Variants in ADCY3 observed in about 807,000 individuals in gnomAD.
ADCY3 encodes the protein adenylate cyclase 3.
In ADCY3, 70 loss-of-function variants were observed where a neutral mutation model predicts 119.4. The observed-to-expected ratio is 0.59, with a 90% confidence interval of 0.48 to 0.72. The LOEUF (loss-of-function observed/expected upper bound fraction) is 0.72. Among genes scored for constraint, ADCY3 ranks in the 30% least tolerant of loss-of-function variants. The pLI is 0.00. For missense variants in ADCY3, 1,238 were observed against 1,541.6 expected (o/e 0.80, Z 3.30); for synonymous variants, 672 against 621.4 (o/e 1.08, Z -1.21).
intron 3 of ADCY3, among the ~76,000 whole-genome samples, chr2:24,848,008 T>C (rs1487806812): frequency 6.6e-6 from 1 of 152,178 alleles, no homozygotes; most frequent in African/African-American, 2.4e-5. Flanking sequence ...GGATCATGAG[T>C]GCTGGCCTGG....
intron 3 of ADCY3, among the ~76,000 whole-genome samples, chr2:24,853,031 T>G (rs909894086): frequency 2.5e-4 from 28 of 113,918 alleles, no homozygotes; most frequent in Admixed American, 8.8e-4. Flanking sequence ...TGTGTGTGTG[T>G]GTGTGTGTGT....
At chr2:24,893,675 C>A (rs1188524582) in intron 2 of ADCY3, among the ~76,000 whole-genome samples, 2 of 151,870 alleles carry the variant, frequency 1.3e-5, no homozygotes, top group African/African-American at 4.8e-5. Context: ...ACCATCACAG[C>A]TCACTGCAGC....
intron 2 of ADCY3, among the ~76,000 whole-genome samples, chr2:24,877,528 A>G (rs1464948177): frequency 1.3e-5 from 2 of 152,182 alleles, no homozygotes; most frequent in East Asian, 3.9e-4. Flanking sequence ...CATCAGACAG[A>G]GCAGACCAAC....
At position 24,878,397 on chromosome 2, in the gene ADCY3, G is replaced by A. The variant is rs779826177; in HGVS notation, c.676-5678C>T. ...GAGTGGAAGTCACCCCACTGGAGGC[G>A]GTTTGGTGGCTCTCTTGCCCAAACC... is the stretch of plus-strand genomic sequence containing the variant. On this transcript the variant is annotated intron_variant, in intron 2 of 21. Coordinates refer to ENST00000679454, the MANE Select transcript of ADCY3 (RefSeq NM_004036.5). This position sits in a 1 kb window ranked among gnomAD's most constrained non-coding sequence, Gnocchi z 4.0. Among the ~76,000 whole-genome samples the A allele has an allele frequency of 2.6e-5, 4 of 152,100 alleles. No individual in the cohort carries two copies. Among genetic ancestry groups the A allele is most frequent in the South Asian group, 2.1e-4 (1 of 4,820 alleles).
intron 3 of ADCY3, among the ~76,000 whole-genome samples, chr2:24,855,852 G>A (rs530491920): frequency 2.8e-4 from 42 of 152,250 alleles, no homozygotes; most frequent in African/African-American, 3.1e-4. Flanking sequence ...GCAATCTGTC[G>A]GCATGGCCTC....
At chr2:24,873,832 G>A (rs971382594) in intron 2 of ADCY3, among the ~76,000 whole-genome samples, 6 of 152,212 alleles carry the variant, frequency 3.9e-5, no homozygotes, top group Admixed American at 2.6e-4. Flanking sequence ...GATCCCCGAC[G>A]CCTCGCCTGC....
intron 2 of ADCY3, among the ~76,000 whole-genome samples, chr2:24,891,739 T>C (rs1346896536): frequency 6.6e-6 from 1 of 152,188 alleles, no homozygotes; most frequent in African/African-American, 2.4e-5. Flanking sequence ...CTACAGTGCA[T>C]AGTAAAGGGC....
Position 24,841,790 on chromosome 2 carries a change from C to A in ADCY3, c.957-123G>T, listed in dbSNP as rs949149087. 2 of 709,560 alleles carry A rather than the reference C, an allele frequency of 2.8e-6. No individual in the cohort carries two copies. Among genetic ancestry groups the A allele is most frequent in the East Asian group, 2.7e-5 (1 of 37,060 alleles). 44.0% of individuals were successfully genotyped at this position (709,560 alleles called of 1,614,324 possible). A position where few individuals can be genotyped will look rare whatever the true frequency, so the allele number is the denominator to read the frequency against. On this transcript the variant is annotated intron_variant, in intron 4 of 21. Transcript: ENST00000679454. This position sits in a 1 kb window ranked among gnomAD's most constrained non-coding sequence, Gnocchi z 5.8. ...CAGGGCAGGAGAAGGTCCTCCCTCA[C>A]GACCCCCAGACAGTGAGACCCTGAC...
chr2:24,903,850 G>C (rs985635708), intron 2 of ADCY3, among the ~76,000 whole-genome samples: 1 of 152,176 alleles, frequency 6.6e-6, no homozygotes, highest in Non-Finnish European at 1.5e-5. Flanking sequence ...CGAGGACGAA[G>C]ATTCTAAAGC....
chr2:24,912,568 CATGTGTGTGTGT>C (rs1663874091), intron 2 of ADCY3, among the ~76,000 whole-genome samples: 2 of 105,860 alleles, frequency 1.9e-5, no homozygotes, highest in African/African-American at 3.5e-5. Flanking sequence ...TGTGTGTGTG[CATGTGTGTGTGT>C]GTGTGCATGT....
At chr2:24,869,657 CA>C (rs1674723801) in intron 3 of ADCY3, among the ~76,000 whole-genome samples, 1 of 152,162 alleles carries the variant, frequency 6.6e-6, no homozygotes, top group South Asian at 2.1e-4. Flanking sequence ...CCTCCTGTCT[CA>C]ATCTCCCAAA....
At chr2:24,839,813 G>A in intron 7 of ADCY3, 60 bp downstream of exon 7, 1 of 1,609,070 alleles carries the variant, frequency 6.2e-7, no homozygotes, top group Non-Finnish European at 8.5e-7. Context: ...CAGCCCTGGG[G>A]GATGGAGGGG....
chr2:24,822,417 A>T, intron 19 of ADCY3, 94 bp downstream of exon 19: 1 of 1,542,856 alleles, frequency 6.5e-7, no homozygotes, highest in Non-Finnish European at 8.8e-7. Context: ...ACCACTTTGC[A>T]CAGCAGTTCT....
intron 2 of ADCY3, among the ~76,000 whole-genome samples, chr2:24,879,782 C>T (rs957955822): frequency 3.3e-5 from 5 of 152,294 alleles, no homozygotes; most frequent in Non-Finnish European, 7.3e-5. Flanking sequence ...TCCCCTCCCT[C>T]AATACGATCA....
chr2:24,889,530 A>G (rs1268873145), intron 2 of ADCY3, among the ~76,000 whole-genome samples: 3 of 152,188 alleles, frequency 2.0e-5, no homozygotes, highest in Non-Finnish European at 4.4e-5. Flanking sequence ...TGCAAAACAT[A>G]AGTTCAAAAA....
chr2:24,910,862 G>A (rs1300359191), intron 2 of ADCY3, among the ~76,000 whole-genome samples: 3 of 151,964 alleles, frequency 2.0e-5, no homozygotes, highest in Non-Finnish European at 4.4e-5. Flanking sequence ...GGCCAGGATG[G>A]TCTCGATCTC....
rs927676245 is a variant in ADCY3, at chr2:24,819,659, T to TA, written c.*272_*273insT. The TA allele has an allele frequency of 7.9e-5, 28 of 354,582 alleles. No homozygotes were observed. Among genetic ancestry groups the TA allele is most frequent in the Non-Finnish European group, 1.3e-4 (25 of 195,616 alleles). 22.0% of individuals were successfully genotyped at this position (354,582 alleles called of 1,614,324 possible). A position where few individuals can be genotyped will look rare whatever the true frequency, so the allele number is the denominator to read the frequency against. ...TCCTGCTCACAGTGGTCAGGGCCCCTCAGGGGCAAGGACGGCAGGGATTGG... is the reference window on the plus strand; with the variant it reads ...TCCTGCTCACAGTGGTCAGGGCCCCTACAGGGGCAAGGACGGCAGGGATTGG... On this transcript the variant is annotated 3_prime_UTR_variant, in exon 22 of 22. Transcript: ENST00000679454.
In ADCY3 at chr2:24,842,465, C is replaced by A; in HGVS notation, c.826-81G>T. The A allele has an allele frequency of 6.4e-7, 1 of 1,560,928 alleles. No homozygotes were observed. Among genetic ancestry groups the A allele is most frequent in the East Asian group, 2.3e-5 (1 of 43,932 alleles). ...CAGATACTTCTGGGAAGAAATGCCCCGATCCTGGCAAGAAACGTGAGCAGG... is the reference window on the plus strand; with the variant it reads ...CAGATACTTCTGGGAAGAAATGCCCAGATCCTGGCAAGAAACGTGAGCAGG... On this transcript the variant is annotated intron_variant, in intron 3 of 21. Transcript: ENST00000679454. The surrounding 1 kb of genome is among the most constrained non-coding windows in gnomAD (Gnocchi z 4.9).
intron 2 of ADCY3, among the ~76,000 whole-genome samples, chr2:24,893,776 T>C (rs1435480944): frequency 1.3e-5 from 2 of 151,498 alleles, no homozygotes; most frequent in South Asian, 4.2e-4. Context: ...CCTGGCTAAC[T>C]TTAGTATTTT....
Sources: gnomAD v4.1 joint callset for allele counts (sites outside exome capture counted in the v4.1 genomes callset) on GRCh38, gnomAD v4.1.1 for gene constraint, Gnocchi (gnomAD v3.1) non-coding constraint, MANE v1.5 for transcripts, NCBI Gene and HGNC (gene_info 2026-07-23, HGNC 2026-07-21) for gene names.